The following ABLIM1 variants were observed in gnomAD, a reference collection of about 807,000 sequenced individuals.
ABLIM1 encodes actin binding LIM protein 1, also known as actin-binding LIM protein 1.
Under a neutral mutation model 107.0 loss-of-function variants are expected in ABLIM1, and 40 were observed. The ratio of observed to expected loss-of-function variants is 0.37; its 90% confidence interval spans 0.29 to 0.49. ABLIM1 has a LOEUF of 0.49. ABLIM1 is among the 20% of genes least tolerant of loss of function. The pLI is 0.97. For missense variants in ABLIM1, 857 were observed against 1,008.5 expected (o/e 0.85, Z 2.04); for synonymous variants, 357 against 357.3 (o/e 1.00, Z 0.01).
In ABLIM1 at chr10:114,676,707, G is replaced by A. The variant is rs562529449; in HGVS notation, c.64+7583C>T. ...AGACTCCTAAGTCCTTTCACTGTGC[G>A]GTTTTATTTTAATCATATGTATATA... On this transcript the variant is annotated intron_variant, in intron 1 of 23. Coordinates refer to the ABLIM1 transcript ENST00000369256. Among the ~76,000 whole-genome samples the A allele has an allele frequency of 7.9e-5, 12 of 151,970 alleles. 1 individual carries two copies. The South Asian group carries it at 2.3e-3, about 29-fold the overall frequency.
intron 1 of ABLIM1, among the ~76,000 whole-genome samples, chr10:114,758,015 G>C (rs2082668638): frequency 6.6e-6 from 1 of 152,086 alleles, no homozygotes; most frequent in African/African-American, 2.4e-5. Flanking sequence ...CTCTTTACCA[G>C]ATATCTTCAT....
intron 1 of ABLIM1, among the ~76,000 whole-genome samples, chr10:114,671,706 C>T (rs932585419): frequency 2.0e-5 from 3 of 152,176 alleles, no homozygotes; most frequent in Non-Finnish European, 4.4e-5. Context: ...GAAATGGTGT[C>T]TCATTGAGGT....
At chr10:114,520,664 AAAAG>A (rs938469541) in intron 6 of ABLIM1, among the ~76,000 whole-genome samples, 7 of 151,752 alleles carry the variant, frequency 4.6e-5, no homozygotes, top group Admixed American at 2.0e-4. Context: ...AAAAAGAAAA[AAAAG>A]AAAGAAAGAA....
At chr10:114,489,677 C>A (rs948465688) in intron 7 of ABLIM1, among the ~76,000 whole-genome samples, 6 of 152,144 alleles carry the variant, frequency 3.9e-5, no homozygotes, top group Non-Finnish European at 8.8e-5. Context: ...GAAGGTTCTG[C>A]TGAGCAGGAG....
intron 9 of ABLIM1, among the ~76,000 whole-genome samples, 167 bp from the exon 10 acceptor site, chr10:114,473,299 T>C (rs2066940877): frequency 6.6e-6 from 1 of 152,200 alleles, no homozygotes. Context: ...CTTTATACCA[T>C]ATATTAATCA....
At chr10:114,760,221 G>A (rs553767047) in intron 1 of ABLIM1, among the ~76,000 whole-genome samples, 1 of 152,088 alleles carries the variant, frequency 6.6e-6, no homozygotes, top group East Asian at 1.9e-4. Context: ...GTTCAACACT[G>A]TCTATTATAT....
chr10:114,453,827 C>T (rs906711929), intron 12 of ABLIM1, among the ~76,000 whole-genome samples: 1 of 152,100 alleles, frequency 6.6e-6, no homozygotes, highest in African/African-American at 2.4e-5. Context: ...GATTCAGGAT[C>T]AGTTGTCAGG....
At chr10:114,653,209 T>C (rs1025305196) in intron 1 of ABLIM1, among the ~76,000 whole-genome samples, 3 of 152,226 alleles carry the variant, frequency 2.0e-5, no homozygotes, top group Admixed American at 1.3e-4. Flanking sequence ...TCCTGCTTTG[T>C]TGAGTCATTG....
At chr10:114,571,197 T>G in intron 4 of ABLIM1, 100 bp downstream of exon 4, 1 of 985,436 alleles carries the variant, frequency 1.0e-6, no homozygotes, top group Non-Finnish European at 1.6e-6. Context: ...TAGATGACTC[T>G]CATTTCCAGC....
At chr10:114,509,210 A>AGTCAAGT (rs1031311439) in intron 6 of ABLIM1, among the ~76,000 whole-genome samples, 1 of 152,312 alleles carries the variant, frequency 6.6e-6, no homozygotes, top group African/African-American at 2.4e-5. Flanking sequence ...TGCTTGATAC[A>AGTCAAGT]GTCAAGTGCT....
At chr10:114,458,269 T>C (rs566644541) in intron 12 of ABLIM1, among the ~76,000 whole-genome samples, 1 of 152,300 alleles carries the variant, frequency 6.6e-6, no homozygotes, top group South Asian at 2.1e-4. Context: ...TCTATTTCTA[T>C]TTCTTGGCCT....
upstream of ABLIM1, among the ~76,000 whole-genome samples, chr10:114,768,901 A>G (rs888345798): frequency 6.6e-6 from 1 of 152,162 alleles, no homozygotes; most frequent in African/African-American, 2.4e-5. Context: ...AAAACCTCTT[A>G]GTGCCCTGGA....
chr10:114,770,430 AGACT>A (rs1183935231), upstream of ABLIM1, among the ~76,000 whole-genome samples: 1 of 152,158 alleles, frequency 6.6e-6, no homozygotes, highest in East Asian at 1.9e-4. Flanking sequence ...TACTGTAGAC[AGACT>A]ATTTTTCCCT....
chr10:114,728,478 G>T (rs1416975114), intron 1 of ABLIM1, among the ~76,000 whole-genome samples: 2 of 140,650 alleles, frequency 1.4e-5, no homozygotes, highest in African/African-American at 2.6e-5. Context: ...ATTAAGAATG[G>T]GTAAATAATG....
intron 2 of ABLIM1, among the ~76,000 whole-genome samples, chr10:114,584,160 G>GAAAAGAAA (rs1473958362): frequency 6.6e-6 from 1 of 151,634 alleles, no homozygotes; most frequent in Non-Finnish European, 1.5e-5. Flanking sequence ...GAAAAGAAAA[G>GAAAAGAAA]AAAGTCCTGT....
intron 1 of ABLIM1, among the ~76,000 whole-genome samples, chr10:114,653,491 C>T (rs2079349090): frequency 6.6e-6 from 1 of 152,158 alleles, no homozygotes; most frequent in South Asian, 2.1e-4. Context: ...CTGAAGTGAG[C>T]CCTGTTCTCA....
intron 8 of ABLIM1, among the ~76,000 whole-genome samples, chr10:114,483,474 G>T (rs1011036166): frequency 6.6e-6 from 1 of 151,952 alleles, no homozygotes; most frequent in Non-Finnish European, 1.5e-5. Context: ...ATGGGGTTTT[G>T]CCATATTGCC....
intron 2 of ABLIM1, among the ~76,000 whole-genome samples, chr10:114,599,338 A>T (rs1249266002): frequency 6.6e-6 from 1 of 152,234 alleles, no homozygotes; most frequent in South Asian, 2.1e-4. Flanking sequence ...TGGTCCATAG[A>T]ATTAAACTAA....
At chr10:114,458,826 T>C (rs1386448025) in intron 12 of ABLIM1, among the ~76,000 whole-genome samples, 1 of 152,166 alleles carries the variant, frequency 6.6e-6, no homozygotes, top group African/African-American at 2.4e-5. Flanking sequence ...AAGAGAAACT[T>C]AGCAGACACT....
Sources: gnomAD v4.1 joint callset for allele counts (sites outside exome capture counted in the v4.1 genomes callset) on GRCh38, gnomAD v4.1.1 for gene constraint, MANE v1.5 for transcripts, NCBI Gene and HGNC (gene_info 2026-07-23, HGNC 2026-07-21) for gene names.